The following MARK1 variants were observed in gnomAD, a reference collection of about 807,000 sequenced individuals.
MARK1 encodes serine/threonine-protein kinase MARK1.
Under a neutral mutation model 96.3 loss-of-function variants are expected in MARK1, and 40 were observed. The observed-to-expected ratio is 0.42, with a 90% confidence interval of 0.32 to 0.54. The LOEUF (loss-of-function observed/expected upper bound fraction) is 0.54, where lower values mean the gene tolerates loss of function less well. MARK1 is among the 20% of genes least tolerant of loss of function. The pLI is 0.16. For missense variants in MARK1, 719 were observed against 984.6 expected (o/e 0.73, Z 3.61); for synonymous variants, 317 against 341.2 (o/e 0.93, Z 0.78).
At chr1:220,563,114 A>T (rs1162481725) in intron 1 of MARK1, among the ~76,000 whole-genome samples, 2 of 152,170 alleles carry the variant, frequency 1.3e-5, no homozygotes, top group Non-Finnish European at 2.9e-5. Flanking sequence ...TATGGTGCTC[A>T]ATAAATGTCT....
intron 6 of MARK1, among the ~76,000 whole-genome samples, chr1:220,609,462 T>C (rs982476987): frequency 1.9e-4 from 29 of 152,312 alleles, no homozygotes; most frequent in African/African-American, 7.0e-4. Context: ...GCACATGAGA[T>C]GGGTCTCCTG....
chr1:220,632,325 A>C lies in MARK1; in HGVS notation c.1122+12A>C. ...GAAAACCACCTGAAGTAAGTTTTTC[A>C]CCTTTTCAGATTACTGTGAATTATT... On this transcript the variant is annotated intron_variant, in intron 11 of 17. Coordinates refer to ENST00000366917, the MANE Select transcript of MARK1 (RefSeq NM_018650.5). 4 of 1,201,910 alleles carry C rather than the reference A, an allele frequency of 3.3e-6. No individual in the cohort carries two copies. Among genetic ancestry groups the C allele is most frequent in the Non-Finnish European group, 4.7e-6 (4 of 845,570 alleles). 74.5% of individuals were successfully genotyped at this position (1,201,910 alleles called of 1,614,324 possible). A position where few individuals can be genotyped will look rare whatever the true frequency, so the allele number is the denominator to read the frequency against.
At chr1:220,608,389 T>A (rs1452634646) in intron 6 of MARK1, among the ~76,000 whole-genome samples, 1 of 152,202 alleles carries the variant, frequency 6.6e-6, no homozygotes, top group African/African-American at 2.4e-5. Flanking sequence ...TTCTGTGGGA[T>A]CAATGGTGAT....
At chr1:220,660,902 A>AC (rs1669442532) in intron 17 of MARK1, among the ~76,000 whole-genome samples, 1 of 152,212 alleles carries the variant, frequency 6.6e-6, no homozygotes, top group Non-Finnish European at 1.5e-5. Flanking sequence ...TTCAGACAAC[A>AC]CCCTAACAAA....
At chr1:220,599,714 T>C in intron 4 of MARK1, 84 bp from the exon 5 acceptor site, 1 of 636,586 alleles carries the variant, frequency 1.6e-6, no homozygotes, top group Non-Finnish European at 2.7e-6. Context: ...AATTTTCTAC[T>C]AGTTTAGTGT....
chr1:220,583,752 G>T (rs527382911), intron 3 of MARK1, among the ~76,000 whole-genome samples: 2 of 149,928 alleles, frequency 1.3e-5, no homozygotes, highest in South Asian at 4.2e-4. Context: ...AGGCTCAAGC[G>T]ATTCTCCTGA....
chr1:220,661,305 A>G (rs546710682), intron 17 of MARK1, among the ~76,000 whole-genome samples: 2 of 152,338 alleles, frequency 1.3e-5, no homozygotes, highest in South Asian at 2.1e-4. Flanking sequence ...GATGTGTGGT[A>G]TAATCTAACA....
At chr1:220,593,897 C>T (rs1665157058) in intron 3 of MARK1, among the ~76,000 whole-genome samples, 1 of 152,122 alleles carries the variant, frequency 6.6e-6, no homozygotes, top group African/African-American at 2.4e-5. Context: ...TCTGGATAAT[C>T]ACCCAGATTC....
At chr1:220,589,762 A>G (rs1664861613) in intron 3 of MARK1, among the ~76,000 whole-genome samples, 2 of 152,272 alleles carry the variant, frequency 1.3e-5, no homozygotes, top group African/African-American at 4.8e-5. Context: ...TTTGCTAGCA[A>G]CATTGTGTGA....
At chr1:220,605,666 C>G (rs1022730537) in intron 6 of MARK1, among the ~76,000 whole-genome samples, 1 of 148,672 alleles carries the variant, frequency 6.7e-6, no homozygotes, top group African/African-American at 2.5e-5. Context: ...CCTCCCCCAG[C>G]CCCCCACCCC....
intron 13 of MARK1, among the ~76,000 whole-genome samples, chr1:220,639,044 G>T (rs1668126297): frequency 6.6e-6 from 1 of 152,110 alleles, no homozygotes; most frequent in Admixed American, 6.5e-5. Flanking sequence ...AGGAGTTTGA[G>T]ACCAGCCTGG....
chr1:220,628,538 T>G (rs1387235550), intron 9 of MARK1, among the ~76,000 whole-genome samples: 2 of 152,224 alleles, frequency 1.3e-5, no homozygotes, highest in African/African-American at 4.8e-5. Context: ...CTCTTCGAAC[T>G]CTTTCCTCGC....
chr1:220,634,875 A>G (rs76601129), intron 11 of MARK1, among the ~76,000 whole-genome samples: 10,280 of 152,250 alleles, frequency 0.068, 420 homozygotes, highest in Middle Eastern at 0.15. Context: ...ACAAATCTAT[A>G]TGTATGTTTA....
intron 1 of MARK1, among the ~76,000 whole-genome samples, chr1:220,530,898 T>C (rs1046901281): frequency 5.9e-5 from 9 of 152,216 alleles, no homozygotes; most frequent in Non-Finnish European, 1.2e-4. Flanking sequence ...AAAATATCTA[T>C]TATATGACAC....
intron 1 of MARK1, among the ~76,000 whole-genome samples, chr1:220,551,702 G>GA (rs983876164): frequency 6.6e-6 from 1 of 151,146 alleles, no homozygotes; most frequent in Non-Finnish European, 1.5e-5. Flanking sequence ...GAATCAAAAA[G>GA]AAAAAAAAGA....
At chr1:220,655,847 A>G (rs1022040914) in intron 16 of MARK1, among the ~76,000 whole-genome samples, 3 of 152,018 alleles carry the variant, frequency 2.0e-5, no homozygotes, top group South Asian at 4.2e-4. Context: ...GCCTTGTGTA[A>G]CCTGGCCATC....
At chr1:220,657,884 C>T (rs372820674) in intron 17 of MARK1, 50 bp downstream of exon 17, 25 of 1,360,150 alleles carry the variant, frequency 1.8e-5, no homozygotes, top group Middle Eastern at 1.9e-4. Flanking sequence ...TGTATGAAAA[C>T]GTACTTTTGA....
At chr1:220,647,477 CAG>C (rs1668644241) in intron 13 of MARK1, among the ~76,000 whole-genome samples, 1 of 152,168 alleles carries the variant, frequency 6.6e-6, no homozygotes, top group African/African-American at 2.4e-5. Context: ...TTGTGGAAGA[CAG>C]GGTGGTGATT....
chr1:220,619,777 T>C (rs1666954592), intron 9 of MARK1, among the ~76,000 whole-genome samples: 1 of 152,242 alleles, frequency 6.6e-6, no homozygotes, highest in Admixed American at 6.5e-5. Context: ...AAGAATGATA[T>C]TTTAGCCTTT....
Sources: allele counts gnomAD v4.1 joint callset (sites outside exome capture counted in the v4.1 genomes callset), GRCh38; gene constraint gnomAD v4.1.1; transcripts MANE v1.5; gene names NCBI Gene and HGNC (gene_info 2026-07-23, HGNC 2026-07-21).